The following GRIA4 variants were observed in gnomAD, a reference collection of about 807,000 sequenced individuals.
GRIA4 encodes the protein glutamate ionotropic receptor AMPA type subunit 4.
In GRIA4, 34 loss-of-function variants were observed where a neutral mutation model predicts 104.0. The observed-to-expected ratio is 0.33, with a 90% confidence interval of 0.25 to 0.44. GRIA4 has a LOEUF of 0.44. Ranked by LOEUF, GRIA4 falls within the 20% of genes least tolerant of loss-of-function variation. The pLI is 1.00. For synonymous variants in GRIA4, 386 were observed against 381.9 expected (o/e 1.01, Z -0.13); for missense variants, 750 against 1,096.5 (o/e 0.68, Z 4.46).
At chr11:105,775,867 T>A (rs1591235555) in intron 4 of GRIA4, among the ~76,000 whole-genome samples, 1 of 152,014 alleles carries the variant, frequency 6.6e-6, no homozygotes, top group South Asian at 2.1e-4. Context: ...ATTTTCTCAA[T>A]CTTTTTTGAG....
chr11:105,798,871 T>A (rs1306185707), intron 4 of GRIA4, among the ~76,000 whole-genome samples: 2 of 152,122 alleles, frequency 1.3e-5, no homozygotes, highest in African/African-American at 4.8e-5. Context: ...TTTAACATAT[T>A]AATTTTGAAG....
intron 3 of GRIA4, among the ~76,000 whole-genome samples, chr11:105,644,102 T>C (rs1035947281): frequency 4.6e-5 from 7 of 152,132 alleles, no homozygotes; most frequent in Admixed American, 4.6e-4. Flanking sequence ...TAGAAAAATT[T>C]TCAAAGGAAA....
intron 3 of GRIA4, chr11:105,614,454 T>C (rs1002925218): frequency 2.6e-5 from 4 of 151,858 alleles, no homozygotes; most frequent in Admixed American, 6.6e-5. Flanking sequence ...ACATGATAAA[T>C]ATTAGCAAGT....
intron 4 of GRIA4, among the ~76,000 whole-genome samples, chr11:105,856,753 C>A (rs751924415): frequency 6.6e-5 from 10 of 152,072 alleles, no homozygotes; most frequent in Non-Finnish European, 1.5e-4. Flanking sequence ...AAGATGTCAT[C>A]TGAACTAAAT....
In GRIA4 at chr11:105,926,841, C is replaced by G; in HGVS notation, c.1948C>G (p.Arg650Gly). The G allele has an allele frequency of 6.2e-7, 1 of 1,609,836 alleles. No individual in the cohort carries two copies. Among genetic ancestry groups the G allele is most frequent in the Non-Finnish European group, 8.5e-7 (1 of 1,176,498 alleles). Residue 650 changes from arginine (R) to glycine (G), a missense_variant, in exon 13 of 17, where the codon CGA (arginine) becomes GGA (glycine). By Grantham distance (125) the Arg-to-Gly change is moderately radical. Coordinates refer to ENST00000282499, the MANE Select transcript of GRIA4 (RefSeq NM_000829.4). Reference sequence around the variant, plus strand: ...CCTCGCTGCTTTCCTGACGGTTGAGCGAATGGTCTCTCCCATAGAAAGTGC... The same window carrying G: ...CCTCGCTGCTTTCCTGACGGTTGAGGGAATGGTCTCTCCCATAGAAAGTGC... ...ANLAAFLTVE[R>G]MVSPIESAED...
rs187058481 is a variant in GRIA4 at position 105,933,606 on chromosome 11, T to C, written c.2047-116T>C. On this transcript the variant is annotated intron_variant, in intron 13 of 16. Transcript: ENST00000282499. ...ACTATTATGTTACTCTGTGGCAAAT[T>C]GGAGTTAGAGAGCAATGGAAAGATA... is the stretch of plus-strand genomic sequence containing the variant. The C allele has an allele frequency of 3.9e-5, 27 of 689,152 alleles. 1 individual carries two copies. The Admixed American group carries it at 6.2e-4, about 16-fold the overall frequency. The allele number at this position is 689,152 out of a possible 1,614,324, so 42.7% of individuals were successfully genotyped here. A position where few individuals can be genotyped will look rare whatever the true frequency, so the allele number is the denominator to read the frequency against.
At chr11:105,613,005 G>A (rs1481075962) in intron 3 of GRIA4, 2 of 152,602 alleles carry the variant, frequency 1.3e-5, no homozygotes, top group Non-Finnish European at 2.9e-5. Context: ...CTTATATTCT[G>A]GGGTGTAAAT....
chr11:105,823,178 T>C (rs1414082015), intron 4 of GRIA4, among the ~76,000 whole-genome samples: 1 of 152,146 alleles, frequency 6.6e-6, no homozygotes, highest in Admixed American at 6.5e-5. Context: ...AAAACTTCAT[T>C]TGGAATCACA....
intron 3 of GRIA4, among the ~76,000 whole-genome samples, chr11:105,614,591 C>G (rs923732970): frequency 2.6e-5 from 4 of 151,804 alleles, no homozygotes; most frequent in African/African-American, 9.7e-5. Context: ...AAGAATAATA[C>G]AGTATTAGTG....
chr11:105,958,494 G>A (rs1207404267), intron 14 of GRIA4, among the ~76,000 whole-genome samples: 1 of 152,178 alleles, frequency 6.6e-6, no homozygotes, highest in African/African-American at 2.4e-5. Flanking sequence ...ACTTTTTGAT[G>A]TACTGTTGGA....
At chr11:105,750,172 A>T (rs1055833664) in intron 3 of GRIA4, among the ~76,000 whole-genome samples, 1 of 152,158 alleles carries the variant, frequency 6.6e-6, no homozygotes, top group Non-Finnish European at 1.5e-5. Flanking sequence ...AATACTATAT[A>T]TGGAAATAAC....
chr11:105,921,306 G>GGGGTGTGTGT (rs758122574), intron 11 of GRIA4, among the ~76,000 whole-genome samples: 8 of 138,850 alleles, frequency 5.8e-5, no homozygotes, highest in Non-Finnish European at 6.3e-5. Context: ...ACCACACTTG[G>GGGGTGTGTGT]GTGTGTGTGT....
chr11:105,911,596 G>A (rs1947236468), intron 10 of GRIA4, among the ~76,000 whole-genome samples: 1 of 151,130 alleles, frequency 6.6e-6, no homozygotes, highest in African/African-American at 2.4e-5. Context: ...AAATGCCAGA[G>A]AGAAGCCTTC....
chr11:105,738,020 C>A (rs1004269974), intron 3 of GRIA4, among the ~76,000 whole-genome samples: 21 of 151,770 alleles, frequency 1.4e-4, no homozygotes, highest in Non-Finnish European at 2.9e-4. Context: ...CTCCCACCCC[C>A]CTGCCCTGTT....
intron 16 of GRIA4, among the ~76,000 whole-genome samples, chr11:105,975,845 T>C (rs1322126468): frequency 6.6e-6 from 1 of 152,116 alleles, no homozygotes; most frequent in Non-Finnish European, 1.5e-5. Context: ...TATCAAGATC[T>C]AATTGCTTTC....
chr11:105,964,779 G>A (rs1948820062), intron 14 of GRIA4, among the ~76,000 whole-genome samples: 1 of 151,424 alleles, frequency 6.6e-6, no homozygotes, highest in African/African-American at 2.4e-5. Flanking sequence ...AGAAGCCCAT[G>A]ACATGTTTTT....
intron 4 of GRIA4, among the ~76,000 whole-genome samples, chr11:105,856,996 T>C (rs1182189969): frequency 1.3e-5 from 2 of 152,202 alleles, no homozygotes; most frequent in Non-Finnish European, 2.9e-5. Flanking sequence ...AAATCTTTGC[T>C]TATTTTTAGT....
intron 10 of GRIA4, chr11:105,911,950 C>T: frequency 6.5e-7 from 1 of 1,534,662 alleles, no homozygotes; most frequent in Non-Finnish European, 8.8e-7. Context: ...CCATTCCTAA[C>T]TAAGGCTCAA....
intron 3 of GRIA4, among the ~76,000 whole-genome samples, chr11:105,632,379 T>G (rs1021696748): frequency 2.6e-5 from 4 of 152,212 alleles, no homozygotes; most frequent in African/African-American, 9.6e-5. Flanking sequence ...ACCATAGCAC[T>G]GCTTTAATGT....
Sources: allele counts gnomAD v4.1 joint callset (sites outside exome capture counted in the v4.1 genomes callset), GRCh38; gene constraint gnomAD v4.1.1; transcripts MANE v1.5; gene names NCBI Gene and HGNC (gene_info 2026-07-23, HGNC 2026-07-21).